IP6K2: variants seen among roughly 807,000 people sequenced by gnomAD.
The protein encoded by IP6K2 is ATP:1D-myo-inositol-hexakisphosphate phosphotransferase.
IP6K2 carries 9 observed loss-of-function variants against 43.3 expected under a neutral mutation model. The observed-to-expected ratio is 0.21, with a 90% confidence interval of 0.13 to 0.36. The LOEUF (loss-of-function observed/expected upper bound fraction) is 0.36, where lower values mean the gene tolerates loss of function less well. Among genes scored for constraint, IP6K2 ranks in the 10% least tolerant of loss-of-function variants. The pLI is 1.00. For synonymous variants in IP6K2, 209 were observed against 202.4 expected (o/e 1.03, Z -0.28); for missense variants, 332 against 538.4 (o/e 0.62, Z 3.79).
In IP6K2 at chr3:48,692,936, C is replaced by T. The variant is rs1031660877; in HGVS notation, c.428+18G>A. On this transcript the variant is annotated intron_variant, in intron 3 of 5. Transcript: ENST00000328631. ...TCCCCTCCCACATAGCCCAGAGTTG[C>T]CCTCTGTCTACACTCACCTCTTCAT... The T allele has an allele frequency of 1.9e-6, 3 of 1,572,294 alleles. No homozygotes were observed. Among genetic ancestry groups the T allele is most frequent in the African/African-American group, 2.7e-5 (2 of 73,714 alleles).
intron 1 of IP6K2, among the ~76,000 whole-genome samples, chr3:48,715,870 C>T (rs2081133268): frequency 1.3e-5 from 2 of 149,536 alleles, no homozygotes; most frequent in African/African-American, 4.9e-5. Context: ...CAATGTCAGA[C>T]AAGACCACAG....
chr3:48,716,240 C>T (rs1240848776), intron 1 of IP6K2, among the ~76,000 whole-genome samples: 3 of 152,144 alleles, frequency 2.0e-5, no homozygotes, highest in Non-Finnish European at 4.4e-5. Flanking sequence ...ATCATAGAAC[C>T]GATGATCTAC....
chr3:48,703,845 C>G (rs538385571), intron 1 of IP6K2, among the ~76,000 whole-genome samples: 7 of 152,264 alleles, frequency 4.6e-5, no homozygotes, highest in Admixed American at 3.9e-4. Context: ...AATCCCAGCA[C>G]TTTGGGAGGC....
intron 1 of IP6K2, among the ~76,000 whole-genome samples, chr3:48,704,912 A>G (rs1474458862): frequency 6.6e-6 from 1 of 151,824 alleles, no homozygotes; most frequent in East Asian, 1.9e-4. Context: ...AGCTGAGATT[A>G]CAAGCACGCG....
chr3:48,690,809 AAAAG>A lies in IP6K2; in HGVS notation c.604+494_604+497del, dbSNP rs1291725625. 2.0e-5 allele frequency among the ~76,000 whole-genome samples: 3 copies of A among 149,502 alleles called. No homozygotes were observed. The East Asian group carries it at 5.8e-4, about 29-fold the overall frequency. On this transcript the variant is annotated intron_variant, in intron 4 of 5. Coordinates refer to ENST00000328631, the MANE Select transcript of IP6K2 (RefSeq NM_016291.4). ...TCTCAAAAAAAAAAAAAAAAGAAAA[AAAAG>A]AGAGAGAGAGGAAAAAAAGAAAAGA...
At position 48,717,180 on chromosome 3, in the gene IP6K2, G is replaced by C. The variant is rs959374193; in HGVS notation, c.-154C>G. ...ACCTGCCGCCTCAGCCGGGTTCCTC[G>C]GCGTTTCCGTCCTATTGTTTCTCTC... is the stretch of plus-strand genomic sequence containing the variant. On this transcript the variant is annotated 5_prime_UTR_variant, in exon 1 of 6. Coordinates refer to ENST00000328631, the MANE Select transcript of IP6K2 (RefSeq NM_016291.4). 1 of 154,822 alleles carries C rather than the reference G, an allele frequency of 6.5e-6. No individual in the cohort carries two copies. Among genetic ancestry groups the C allele is most frequent in the Non-Finnish European group, 1.5e-5 (1 of 68,224 alleles). The allele number at this position is 154,822 out of a possible 1,614,324, so 9.6% of individuals were successfully genotyped here. A position where few individuals can be genotyped will look rare whatever the true frequency, so the allele number is the denominator to read the frequency against.
intron 1 of IP6K2, among the ~76,000 whole-genome samples, chr3:48,703,423 G>A (rs578063215): frequency 6.6e-6 from 1 of 152,044 alleles, no homozygotes; most frequent in Non-Finnish European, 1.5e-5. Flanking sequence ...TAATTATCTC[G>A]GCCAGGCACG....
intron 2 of IP6K2, 73 bp from the exon 3 acceptor site, chr3:48,693,252 C>T: frequency 7.2e-7 from 1 of 1,383,182 alleles, no homozygotes; most frequent in Non-Finnish European, 1.0e-6. Flanking sequence ...ATGATTGTAA[C>T]ATTTGTTTTT....
chr3:48,701,567 C>CAA (rs67509214), intron 1 of IP6K2, among the ~76,000 whole-genome samples: 5 of 47,478 alleles, frequency 1.1e-4, no homozygotes, highest in East Asian at 7.4e-4. Context: ...GACTCCGTCT[C>CAA]AAAAAAAAAA....
intron 1 of IP6K2, chr3:48,716,584 A>AT (rs1351123283): frequency 6.6e-6 from 1 of 152,140 alleles, no homozygotes; most frequent in South Asian, 2.1e-4. Context: ...ATTTAAAGGC[A>AT]TTTTTTCTAT....
At position 48,693,041 on chromosome 3, in the gene IP6K2, G is replaced by A. The variant is rs1375639436; in HGVS notation, c.341C>T (p.Thr114Ile). 6.2e-7 allele frequency: 1 copy of A among 1,614,080 alleles called. No homozygotes were observed. Among genetic ancestry groups the A allele is most frequent in the South Asian group, 1.1e-5 (1 of 91,084 alleles). ...CEPKSKLLRWTTNKKHHVLET... is the reference protein window; with the variant it reads ...CEPKSKLLRWITNKKHHVLET... ...TAAGACATGATGTTTTTTGTTTGTT[G>A]TCCACCTTAGGAGCTTACTTTTTGG... is the stretch of plus-strand genomic sequence containing the variant. The change falls in exon 3 of 6, where the codon ACA becomes ATA. Residue 114 changes from threonine to isoleucine, a missense_variant. Transcript: ENST00000328631.
In IP6K2 at chr3:48,697,418, C is replaced by T. The variant is rs184058780; in HGVS notation, c.-130-1997G>A. On this transcript the variant is annotated intron_variant, in intron 1 of 5. Coordinates refer to ENST00000328631, the MANE Select transcript of IP6K2 (RefSeq NM_016291.4). ...TCAGTTCACTGCAACCTCTGCCTCCCAGTCTCATGCGATTCTCCTGCCACA... is the reference window on the plus strand; with the variant it reads ...TCAGTTCACTGCAACCTCTGCCTCCTAGTCTCATGCGATTCTCCTGCCACA... Among the ~76,000 whole-genome samples, 622 of 150,834 alleles carry T rather than the reference C, an allele frequency of 4.1e-3. 7 individuals carry two copies. Among genetic ancestry groups the T allele is most frequent in the African/African-American group, 0.014 (569 of 41,088 alleles).
At chr3:48,701,044 A>C (rs1179508683) in intron 1 of IP6K2, among the ~76,000 whole-genome samples, 1 of 152,198 alleles carries the variant, frequency 6.6e-6, no homozygotes, top group East Asian at 1.9e-4. Flanking sequence ...TTATATACAT[A>C]GCAATCCCAC....
chr3:48,692,863 C>T, intron 3 of IP6K2, 91 bp downstream of exon 3: 1 of 876,522 alleles, frequency 1.1e-6, no homozygotes, highest in South Asian at 1.5e-5. Context: ...AAATCCACTT[C>T]AGTCCTTAGC....
chr3:48,693,999 GGC>G lies in IP6K2; in HGVS notation c.203-822_203-821del. Reference sequence around the variant, plus strand: ...GCCGACGAGCGCCTTACAAACGACTGGCTGAACACCTTTCCTCCCAGGCCTCT... The same window carrying G: ...GCCGACGAGCGCCTTACAAACGACTGTGAACACCTTTCCTCCCAGGCCTCT... On this transcript the variant is annotated intron_variant, in intron 2 of 5. Transcript: ENST00000328631. The G allele has an allele frequency of 1.7e-5, 24 of 1,374,520 alleles. No individual in the cohort carries two copies. In the Admixed American group the frequency reaches 1.8e-4, roughly 10 times the overall value. 85.1% of individuals were successfully genotyped at this position (1,374,520 alleles called of 1,614,324 possible).
chr3:48,714,111 C>T (rs561288274), intron 1 of IP6K2, among the ~76,000 whole-genome samples: 9 of 152,190 alleles, frequency 5.9e-5, no homozygotes, highest in African/African-American at 1.9e-4. Context: ...AGCGAGACTC[C>T]GTCTCATTAA....
At chr3:48,689,092 G>C (rs1459352468) in intron 5 of IP6K2, among the ~76,000 whole-genome samples, 1 of 152,226 alleles carries the variant, frequency 6.6e-6, no homozygotes, top group Non-Finnish European at 1.5e-5. Context: ...ATCTGAGAGA[G>C]GATCATGCAG....
chr3:48,693,424 A>C (rs1039612055), intron 2 of IP6K2: 16 of 1,371,306 alleles, frequency 1.2e-5, no homozygotes, highest in Non-Finnish European at 1.6e-5. Context: ...CAACGAGGCA[A>C]GAGCCAAAGA....
At chr3:48,713,282 C>T (rs1040794098) in intron 1 of IP6K2, among the ~76,000 whole-genome samples, 8 of 152,192 alleles carry the variant, frequency 5.3e-5, no homozygotes, top group Non-Finnish European at 1.2e-4. Context: ...CCTGTTGGCC[C>T]CGAAGCAGCC....
Sources: allele counts gnomAD v4.1 joint callset (sites outside exome capture counted in the v4.1 genomes callset), GRCh38; gene constraint gnomAD v4.1.1; transcripts MANE v1.5; gene names NCBI Gene and HGNC (gene_info 2026-07-23, HGNC 2026-07-21).